EFCAB5: variants seen among roughly 807,000 people sequenced by gnomAD.
EFCAB5 encodes the protein EF-hand calcium-binding domain-containing protein 5.
EFCAB5 carries 131 observed loss-of-function variants against 167.9 expected under a neutral mutation model. That is an observed-to-expected ratio of 0.78 (90% CI 0.68 to 0.90). EFCAB5 has a LOEUF of 0.90. Ranked by LOEUF, EFCAB5 falls within the 40% of genes least tolerant of loss-of-function variation. EFCAB5 has a pLI of 0.00. For synonymous variants in EFCAB5, 574 were observed against 602.8 expected (o/e 0.95, Z 0.70); for missense variants, 1,663 against 1,745.2 (o/e 0.95, Z 0.84).
Position 30,055,878 on chromosome 17 carries a change from C to A in EFCAB5, c.2195-10C>A. 6.2e-7 allele frequency: 1 copy of A among 1,608,766 alleles called. No individual in the cohort carries two copies. The highest frequency in any genetic ancestry group is 8.5e-7 in the Non-Finnish European group (1 of 1,178,460). ...TCTAATTCATAAGCATTTTCATTTGCACCTTTTAGAAACTACAAAAAAGGA... is the reference window on the plus strand; with the variant it reads ...TCTAATTCATAAGCATTTTCATTTGAACCTTTTAGAAACTACAAAAAAGGA... On this transcript the variant is annotated splice_polypyrimidine_tract_variant and intron_variant, in intron 10 of 22. Transcript: ENST00000394835.
At chr17:29,976,818 G>A (rs1056554426) in intron 4 of EFCAB5, among the ~76,000 whole-genome samples, 1 of 152,032 alleles carries the variant, frequency 6.6e-6, no homozygotes, top group Admixed American at 6.5e-5. Context: ...TACTTTCTAC[G>A]ACAAAAGGGA....
intron 12 of EFCAB5, among the ~76,000 whole-genome samples, chr17:30,056,791 A>G (rs2070280084): frequency 6.6e-6 from 1 of 152,228 alleles, no homozygotes; most frequent in South Asian, 2.1e-4. Flanking sequence ...GCCTCAAATA[A>G]CAAACTTTCT....
rs987719036 is a variant in EFCAB5 at position 30,059,762 on chromosome 17, G to C, written c.2737+61G>C. 2.8e-6 allele frequency: 4 copies of C among 1,445,878 alleles called. No homozygotes were observed. The African/African-American group carries it at 5.6e-5, about 20-fold the overall frequency. 89.6% of individuals were successfully genotyped at this position (1,445,878 alleles called of 1,614,324 possible). On this transcript the variant is annotated intron_variant, in intron 14 of 22. Coordinates refer to ENST00000394835, the MANE Select transcript of EFCAB5 (RefSeq NM_198529.4). ...AATTAACTTGGCTTCAAGTTTCTCA[G>C]TACACATATACAGTTAAAATACTGG...
At chr17:30,014,960 T>A (rs2068997153) in intron 7 of EFCAB5, among the ~76,000 whole-genome samples, 1 of 152,210 alleles carries the variant, frequency 6.6e-6, no homozygotes, top group African/African-American at 2.4e-5. Context: ...CCGTGTTTAG[T>A]GCTTCCTTCA....
chr17:30,086,178 A>T (rs772640365), intron 18 of EFCAB5, among the ~76,000 whole-genome samples: 1 of 152,088 alleles, frequency 6.6e-6, no homozygotes, highest in Non-Finnish European at 1.5e-5. Flanking sequence ...AATGATTCAT[A>T]AAAACCCCTC....
intron 5 of EFCAB5, 86 bp from the exon 6 acceptor site, chr17:29,996,226 G>C: frequency 1.8e-6 from 2 of 1,109,718 alleles, no homozygotes; most frequent in Non-Finnish European, 2.6e-6. Context: ...AAAGACTATA[G>C]ATGGCTTTTA....
At chr17:30,076,729 A>G (rs1448823336) in intron 14 of EFCAB5, among the ~76,000 whole-genome samples, 3 of 152,262 alleles carry the variant, frequency 2.0e-5, no homozygotes, top group Non-Finnish European at 2.9e-5. Flanking sequence ...AATCTTGCAC[A>G]TATGCACCAG....
intron 7 of EFCAB5, among the ~76,000 whole-genome samples, chr17:30,026,075 C>G (rs1005856380): frequency 1.3e-5 from 2 of 151,372 alleles, no homozygotes; most frequent in African/African-American, 4.9e-5. Flanking sequence ...TGCTAAATGA[C>G]GAGTTAATGG....
At position 30,034,568 on chromosome 17, in the gene EFCAB5, G is replaced by A. The variant is rs144216313; in HGVS notation, c.1200+183G>A. Among the ~76,000 whole-genome samples, 50 of 152,212 alleles carry A rather than the reference G, an allele frequency of 3.3e-4. 2 individuals carry two copies. In the East Asian group the frequency reaches 9.6e-3, roughly 29 times the overall value. ...ATACAAACTTTACTGAAATATATTT[G>A]TTTATGAACCTTATATTTATTTGTT... On this transcript the variant is annotated intron_variant, in intron 8 of 22. Transcript: ENST00000394835.
chr17:29,936,265 T>C (rs539353137), intron 1 of EFCAB5, among the ~76,000 whole-genome samples: 109 of 152,030 alleles, frequency 7.2e-4, no homozygotes, highest in South Asian at 2.7e-3. Flanking sequence ...ATGAGAACAC[T>C]TGGACACAGG....
chr17:29,932,222 C>T (rs1290118405), intron 1 of EFCAB5, among the ~76,000 whole-genome samples: 1 of 149,954 alleles, frequency 6.7e-6, no homozygotes, highest in Admixed American at 6.7e-5. Context: ...GCAATCTCGG[C>T]TCACTGCAAC....
chr17:30,102,331 C>T (rs935176186), intron 22 of EFCAB5, among the ~76,000 whole-genome samples: 1 of 152,026 alleles, frequency 6.6e-6, no homozygotes, highest in Non-Finnish European at 1.5e-5. Context: ...TTTCTTTTCT[C>T]CTGATCTTTC....
intron 3 of EFCAB5, among the ~76,000 whole-genome samples, chr17:29,946,729 C>T (rs1051648144): frequency 2.0e-5 from 3 of 152,080 alleles, no homozygotes; most frequent in African/African-American, 4.8e-5. Flanking sequence ...TGAGCCACCA[C>T]GCCCGGCTGA....
intron 1 of EFCAB5, among the ~76,000 whole-genome samples, chr17:29,931,565 C>CA (rs972204327): frequency 3.9e-5 from 6 of 152,048 alleles, no homozygotes; most frequent in Admixed American, 2.6e-4. Flanking sequence ...GCCTGTGAGA[C>CA]AAAATTAAAC....
chr17:29,960,065 C>T (rs2067690883), intron 3 of EFCAB5, among the ~76,000 whole-genome samples: 2 of 152,168 alleles, frequency 1.3e-5, no homozygotes, highest in African/African-American at 4.8e-5. Flanking sequence ...CCTCTGTGGG[C>T]ACCAGCTGAA....
At chr17:29,993,643 A>C (rs2068472337) in intron 5 of EFCAB5, among the ~76,000 whole-genome samples, 1 of 152,188 alleles carries the variant, frequency 6.6e-6, no homozygotes, top group Non-Finnish European at 1.5e-5. Context: ...TGAGACCTGC[A>C]AGACTATCTC....
chr17:29,972,042 T>C (rs1365897462), intron 4 of EFCAB5, among the ~76,000 whole-genome samples: 1 of 151,896 alleles, frequency 6.6e-6, no homozygotes, highest in Non-Finnish European at 1.5e-5. Flanking sequence ...GAAAACGTCA[T>C]GCATTTTTTT....
At chr17:29,987,696 A>C (rs1297359609) in intron 4 of EFCAB5, among the ~76,000 whole-genome samples, 1 of 152,188 alleles carries the variant, frequency 6.6e-6, no homozygotes, top group East Asian at 1.9e-4. Flanking sequence ...TGTCCTTGAG[A>C]ATTATATGGG....
chr17:30,021,767 A>T (rs2069185754), intron 7 of EFCAB5, among the ~76,000 whole-genome samples: 1 of 152,132 alleles, frequency 6.6e-6, no homozygotes, highest in Admixed American at 6.5e-5. Context: ...ACATAGAAGT[A>T]GTGTTTGGAG....
Sources: allele counts gnomAD v4.1 joint callset (sites outside exome capture counted in the v4.1 genomes callset), GRCh38; gene constraint gnomAD v4.1.1; transcripts MANE v1.5; gene names NCBI Gene and HGNC (gene_info 2026-07-23, HGNC 2026-07-21).